The following MYO5A variants were observed in gnomAD, a reference collection of about 807,000 sequenced individuals.
The protein encoded by MYO5A is unconventional myosin-Va.
In MYO5A, 98 loss-of-function variants were observed where a neutral mutation model predicts 249.7. The observed-to-expected ratio is 0.39, with a 90% CI of 0.33 to 0.46. The LOEUF is 0.46. Among genes scored for constraint, MYO5A ranks in the 20% least tolerant of loss-of-function variants. The pLI is 0.98. For missense variants in MYO5A, 1,696 were observed against 2,308.8 expected (o/e 0.73, Z 5.44); for synonymous variants, 778 against 810.6 (o/e 0.96, Z 0.68).
chr15:52,437,627 T>G (rs1343302782), intron 1 of MYO5A, among the ~76,000 whole-genome samples: 2 of 146,300 alleles, frequency 1.4e-5, no homozygotes, highest in African/African-American at 5.1e-5. Context: ...GAGAGAGAGA[T>G]ATTCAGAATC....
At chr15:52,348,897 C>A in intron 28 of MYO5A, 71 bp from the exon 29 acceptor site, 1 of 1,499,194 alleles carries the variant, frequency 6.7e-7, no homozygotes, top group Non-Finnish European at 9.1e-7. Context: ...AAATAAATTT[C>A]ATCAATGAGT....
intron 34 of MYO5A, among the ~76,000 whole-genome samples, chr15:52,332,368 A>G (rs767937816): frequency 2.6e-5 from 4 of 152,208 alleles, no homozygotes; most frequent in Non-Finnish European, 4.4e-5. Flanking sequence ...ATACACCCCA[A>G]TTTCAGAGAT....
intron 1 of MYO5A, among the ~76,000 whole-genome samples, chr15:52,439,193 G>C (rs1170704257): frequency 3.3e-5 from 5 of 152,330 alleles, no homozygotes; most frequent in Middle Eastern, 3.4e-3. Context: ...CACCATCTTG[G>C]AAGTGGCCCG....
chr15:52,330,329 T>C (rs778346263), intron 35 of MYO5A, 24 bp downstream of exon 35: 2 of 1,613,998 alleles, frequency 1.2e-6, no homozygotes, highest in Non-Finnish European at 1.7e-6. Context: ...GAAGGAACTT[T>C]TATCCAATGC....
At chr15:52,382,362 A>T (rs903719034) in intron 16 of MYO5A, among the ~76,000 whole-genome samples, 1 of 152,158 alleles carries the variant, frequency 6.6e-6, no homozygotes, top group African/African-American at 2.4e-5. Flanking sequence ...TCACGAAGTC[A>T]GGAGTTCAAG....
At chr15:52,501,278 G>A (rs748123312) in intron 1 of MYO5A, among the ~76,000 whole-genome samples, 1 of 148,130 alleles carries the variant, frequency 6.8e-6, no homozygotes, top group African/African-American at 2.5e-5. Flanking sequence ...GCCAGAAAAC[G>A]TTTTTTTTTT....
At chr15:52,513,945 A>C (rs1468978530) in intron 1 of MYO5A, among the ~76,000 whole-genome samples, 1 of 152,232 alleles carries the variant, frequency 6.6e-6, no homozygotes, top group Non-Finnish European at 1.5e-5. Context: ...AGACTAAGGA[A>C]AGTCATCTAT....
In MYO5A at chr15:52,433,184, C is replaced by T. The variant is rs2141306998; in HGVS notation, c.129G>A (p.Glu43=). ...GAAAGTGAGATCTCACCTTTCCTTCCTCGAGGTGAAGCAGGAGGACTTTAT... is the reference window on the plus strand; with the variant it reads ...GAAAGTGAGATCTCACCTTTCCTTCTTCGAGGTGAAGCAGGAGGACTTTAT... ...PGDKVLLLHL[E]EGKDLEYHLD... is the part of the protein sequence containing the mutation. Residue 43 remains glutamate (E), a synonymous_variant, in exon 2 of 42, where the codon GAG becomes GAA. Coordinates refer to ENST00000399233, the MANE Select transcript of MYO5A (RefSeq NM_001382347.1). The T allele has an allele frequency of 1.2e-6, 2 of 1,602,272 alleles. No individual in the cohort carries two copies. Among genetic ancestry groups the T allele is most frequent in the East Asian group, 4.5e-5 (2 of 44,788 alleles).
At chr15:52,489,439 C>T (rs1410519957) in intron 1 of MYO5A, among the ~76,000 whole-genome samples, 2 of 152,118 alleles carry the variant, frequency 1.3e-5, no homozygotes, top group Non-Finnish European at 1.5e-5. Context: ...TGGCACGCAC[C>T]TGTAGTCCCA....
At position 52,433,613 on chromosome 15, in the gene MYO5A, G is replaced by C. The variant is rs572150673; in HGVS notation, c.28-328C>G. Among the ~76,000 whole-genome samples the C allele has an allele frequency of 5.3e-5, 8 of 151,858 alleles. No homozygotes were observed. The East Asian group carries it at 1.5e-3, about 29-fold the overall frequency. On this transcript the variant is annotated intron_variant, in intron 1 of 41. Transcript: ENST00000399233. The stretch of plus-strand genomic sequence containing the variant: ...TTTTTTTGTTTTTAATAAAGATGGA[G>C]TTTCGCCATATTGGCCAAGCTGGTC...
chr15:52,482,313 C>A (rs1436388033), intron 1 of MYO5A, among the ~76,000 whole-genome samples: 1 of 152,184 alleles, frequency 6.6e-6, no homozygotes, highest in Non-Finnish European at 1.5e-5. Context: ...AAACCCTGAT[C>A]CAGAAGGGAA....
chr15:52,406,157 C>G (rs2042996103), intron 8 of MYO5A, among the ~76,000 whole-genome samples: 1 of 152,140 alleles, frequency 6.6e-6, no homozygotes, highest in South Asian at 2.1e-4. Context: ...GCTATAATTA[C>G]ATGCAAATAG....
intron 4 of MYO5A, among the ~76,000 whole-genome samples, chr15:52,418,642 T>C (rs1247118989): frequency 6.6e-6 from 1 of 151,862 alleles, no homozygotes; most frequent in Non-Finnish European, 1.5e-5. Context: ...GAAAACCAGG[T>C]TCTGTGAGAA....
chr15:52,471,266 T>C (rs1595744317), intron 1 of MYO5A, among the ~76,000 whole-genome samples: 1 of 152,076 alleles, frequency 6.6e-6, no homozygotes, highest in Admixed American at 6.6e-5. Flanking sequence ...TAAATGTCTT[T>C]TGTGGCATTA....
chr15:52,415,088 C>T (rs1457661040), intron 5 of MYO5A, among the ~76,000 whole-genome samples: 2 of 152,100 alleles, frequency 1.3e-5, no homozygotes, highest in Non-Finnish European at 2.9e-5. Context: ...AAGTGTCACA[C>T]GCAGCACCGC....
chr15:52,344,204 C>T (rs28367336), intron 30 of MYO5A, among the ~76,000 whole-genome samples: 14,795 of 152,160 alleles, frequency 0.097, 2,237 homozygotes, highest in African/African-American at 0.33. Flanking sequence ...CCTATTTACA[C>T]GGTTTCCATT....
At chr15:52,478,502 C>T (rs75055896) in intron 1 of MYO5A, among the ~76,000 whole-genome samples, 22,857 of 152,154 alleles carry the variant, frequency 0.15, 1,828 homozygotes, top group Middle Eastern at 0.22. Flanking sequence ...TTCTGCGTCG[C>T]TCATGCTGGG....
intron 1 of MYO5A, among the ~76,000 whole-genome samples, chr15:52,447,627 A>C (rs1473953517): frequency 6.6e-6 from 1 of 152,198 alleles, no homozygotes. Flanking sequence ...AAAGTTTGGA[A>C]CTTCCTAGAG....
intron 20 of MYO5A, among the ~76,000 whole-genome samples, 183 bp downstream of exon 20, chr15:52,375,121 G>T (rs1384523369): frequency 6.6e-6 from 1 of 151,872 alleles, no homozygotes; most frequent in Non-Finnish European, 1.5e-5. Flanking sequence ...CCCCAGCCAG[G>T]GTGACAGAGC....
Sources: gnomAD v4.1 joint callset for allele counts (sites outside exome capture counted in the v4.1 genomes callset) on GRCh38, gnomAD v4.1.1 for gene constraint, MANE v1.5 for transcripts, NCBI Gene and HGNC (gene_info 2026-07-23, HGNC 2026-07-21) for gene names.